The following COBL variants were observed in gnomAD, a reference collection of about 807,000 sequenced individuals.
COBL encodes the protein cordon-bleu WH2 repeat protein, also known as protein cordon-bleu.
In COBL, 51 loss-of-function variants were observed where a neutral mutation model predicts 98.8. The observed-to-expected ratio is 0.52, with a 90% CI of 0.41 to 0.65. The LOEUF is 0.65. Among genes scored for constraint, COBL ranks in the 30% least tolerant of loss-of-function variants. The pLI is 0.00. For synonymous variants in COBL, 634 were observed against 651.7 expected, an observed-to-expected ratio of 0.97 and a Z score of 0.41; for missense variants, 1,617 against 1,617.5, an observed-to-expected ratio of 1.00 and a Z score of 0.01.
chr7:51,297,216 T>A (rs1267828709), intron 1 of COBL, among the ~76,000 whole-genome samples: 1 of 152,096 alleles, frequency 6.6e-6, no homozygotes, highest in African/African-American at 2.4e-5. Flanking sequence ...GGCTGAGCAA[T>A]CATAACATGT....
intron 6 of COBL, among the ~76,000 whole-genome samples, chr7:51,108,915 T>A (rs13240335): frequency 6.4e-4 from 51 of 79,972 alleles, no homozygotes; most frequent in African/African-American, 2.1e-3. Flanking sequence ...CACTGACACA[T>A]AGACACACAC....
intron 3 of COBL, among the ~76,000 whole-genome samples, chr7:51,193,019 T>A (rs1790262529): frequency 6.6e-6 from 1 of 152,210 alleles, no homozygotes; most frequent in South Asian, 2.1e-4. Flanking sequence ...ATTTAAGTTA[T>A]AATAAACATA....
intron 1 of COBL, among the ~76,000 whole-genome samples, chr7:51,283,591 TCTC>T (rs1176445139): frequency 1.3e-5 from 2 of 152,162 alleles, no homozygotes; most frequent in East Asian, 3.9e-4. Flanking sequence ...TTCAAGCAAT[TCTC>T]CTGCCTCAGC....
chr7:51,037,383 C>T (rs1226803535), intron 8 of COBL, among the ~76,000 whole-genome samples: 1 of 152,216 alleles, frequency 6.6e-6, no homozygotes, highest in Admixed American at 6.5e-5. Context: ...TCACTGGGCA[C>T]ACCACTGCCA....
intron 5 of COBL, among the ~76,000 whole-genome samples, chr7:51,158,674 C>G (rs1393150686): frequency 6.6e-6 from 1 of 151,946 alleles, no homozygotes; most frequent in African/African-American, 2.4e-5. Context: ...AAGTGTCCGC[C>G]CCTGCCCTTT....
intron 8 of COBL, among the ~76,000 whole-genome samples, chr7:51,040,451 G>A (rs1343072107): frequency 6.6e-6 from 1 of 152,176 alleles, no homozygotes; most frequent in Non-Finnish European, 1.5e-5. Flanking sequence ...GGCAATTCAT[G>A]GTGCCCCCAT....
At chr7:51,259,848 C>T (rs1278989540) in intron 1 of COBL, 2 of 756,020 alleles carry the variant, frequency 2.6e-6, no homozygotes, top group Non-Finnish European at 4.8e-6. Context: ...CGAAGTCTTG[C>T]CATGGTTCTC....
At chr7:51,238,532 T>C (rs911804124) in intron 1 of COBL, among the ~76,000 whole-genome samples, 2 of 152,132 alleles carry the variant, frequency 1.3e-5, no homozygotes, top group Admixed American at 6.5e-5. Flanking sequence ...CCTAACAAAA[T>C]TGTCAGAGGC....
chr7:51,242,587 G>A (rs1795892370), intron 1 of COBL, among the ~76,000 whole-genome samples: 2 of 152,054 alleles, frequency 1.3e-5, no homozygotes, highest in African/African-American at 2.4e-5. Flanking sequence ...CCTGCTATAC[G>A]CCAATTCCTC....
chr7:51,206,062 A>C (rs1318711754), intron 2 of COBL, among the ~76,000 whole-genome samples: 1 of 152,238 alleles, frequency 6.6e-6, no homozygotes, highest in Non-Finnish European at 1.5e-5. Context: ...GAATGTGGAG[A>C]AAAGGAAAAC....
At chr7:51,039,755 TA>T (rs1182048619) in intron 8 of COBL, among the ~76,000 whole-genome samples, 1 of 152,180 alleles carries the variant, frequency 6.6e-6, no homozygotes, top group Non-Finnish European at 1.5e-5. Context: ...CAGGAGGGTG[TA>T]AGTCTGGGAA....
intron 6 of COBL, among the ~76,000 whole-genome samples, chr7:51,090,479 T>C (rs1304994017): frequency 6.6e-6 from 1 of 152,192 alleles, no homozygotes; most frequent in Non-Finnish European, 1.5e-5. Flanking sequence ...AAGAATGGAA[T>C]GTACATCTAA....
chr7:51,114,086 G>A (rs1184403545), intron 6 of COBL, among the ~76,000 whole-genome samples: 2 of 152,120 alleles, frequency 1.3e-5, no homozygotes, highest in African/African-American at 4.8e-5. Context: ...CTAGACTTTG[G>A]GTCTACATAA....
At chr7:51,032,802 GT>G (rs1217977185) in intron 8 of COBL, 5 of 151,584 alleles carry the variant, frequency 3.3e-5, no homozygotes, top group African/African-American at 1.2e-4. Context: ...GAATGAGATG[GT>G]TTAAATACAT....
In COBL at chr7:51,103,865, T is replaced by C. The variant is rs79635657; in HGVS notation, c.958-18561A>G. On this transcript the variant is annotated intron_variant, in intron 6 of 12. Transcript: ENST00000265136. Reference sequence around the variant, plus strand: ...ACCATGCAGAGCTGGAATATCTAACTCAAATCAGAGGGGTGCCCTTCCCGA... The same window carrying C: ...ACCATGCAGAGCTGGAATATCTAACCCAAATCAGAGGGGTGCCCTTCCCGA... Among the ~76,000 whole-genome samples, 838 of 152,364 alleles carry C rather than the reference T, an allele frequency of 5.5e-3. 6 individuals are homozygous for C. The highest frequency in any genetic ancestry group is 0.019 in the African/African-American group (794 of 41,594).
intron 1 of COBL, among the ~76,000 whole-genome samples, chr7:51,309,240 G>A (rs1802787763): frequency 6.6e-6 from 1 of 152,144 alleles, no homozygotes; most frequent in South Asian, 2.1e-4. Context: ...TTGTATGGCT[G>A]GCAGGTGGAG....
At chr7:51,289,503 G>A (rs1233322648) in intron 1 of COBL, among the ~76,000 whole-genome samples, 4 of 152,168 alleles carry the variant, frequency 2.6e-5, no homozygotes, top group African/African-American at 9.7e-5. Context: ...GAGCTCTGCC[G>A]GGCAGCAGGG....
In COBL at chr7:51,269,959, C is replaced by CT. The variant is rs1798606788; in HGVS notation, c.41+46633dup. On this transcript the variant is annotated intron_variant, in intron 1 of 12. Transcript: ENST00000265136. ...CACCCCCACCTGTGCACAGCTTCTC[C>CT]TTCCCTCTAGCTGAACTTCATCAAG... 2.0e-5 allele frequency among the ~76,000 whole-genome samples: 3 copies of CT among 152,222 alleles called. No homozygotes were observed. In the South Asian group the frequency reaches 6.2e-4, roughly 32 times the overall value.
intron 2 of COBL, 37 bp from the exon 3 acceptor site, chr7:51,193,626 G>A (rs2129058798): frequency 3.2e-6 from 5 of 1,574,714 alleles, no homozygotes; most frequent in South Asian, 1.1e-5. Context: ...TATTAGGAAT[G>A]ACTGCACTCT....
Sources: gnomAD v4.1 joint callset for allele counts (sites outside exome capture counted in the v4.1 genomes callset) on GRCh38, gnomAD v4.1.1 for gene constraint, MANE v1.5 for transcripts, NCBI Gene and HGNC (gene_info 2026-07-23, HGNC 2026-07-21) for gene names.